Variants in NAV1 observed in about 807,000 individuals in gnomAD.
The protein encoded by NAV1 is pore membrane and/or filament interacting like protein 3.
In NAV1, 18 loss-of-function variants were observed where a neutral mutation model predicts 175.2. The ratio of observed to expected loss-of-function variants is 0.10; its 90% CI spans 0.07 to 0.15. The LOEUF is 0.15. Among genes scored for constraint, NAV1 ranks in the 10% least tolerant of loss-of-function variants. The pLI, the probability that NAV1 is intolerant of heterozygous loss-of-function variation, is 1.00. For missense variants in NAV1, 1,731 were observed against 2,436.6 expected, an observed-to-expected ratio of 0.71 and a Z score of 6.10; for synonymous variants, 897 against 978.7, an observed-to-expected ratio of 0.92 and a Z score of 1.56.
At chr1:201,773,067 CTGTT>C (rs1198397149) in intron 3 of NAV1, among the ~76,000 whole-genome samples, 4 of 151,742 alleles carry the variant, frequency 2.6e-5, no homozygotes, top group African/African-American at 9.7e-5. Flanking sequence ...AGCTTGATGA[CTGTT>C]TGCTCAATTG....
At chr1:201,645,436 G>A (rs537523944), upstream of NAV1, among the ~76,000 whole-genome samples, 26 of 151,056 alleles carry the variant, frequency 1.7e-4, no homozygotes, top group African/African-American at 6.1e-4. Context: ...AGCATTAGGA[G>A]ATATACCTAA....
intron 3 of NAV1, among the ~76,000 whole-genome samples, chr1:201,762,613 A>G (rs557973009): frequency 6.2e-4 from 95 of 152,366 alleles, no homozygotes; most frequent in Non-Finnish European, 9.4e-4. Flanking sequence ...TTGTGCTACA[A>G]TGGCAGAATT....
chr1:201,585,123 G>T (rs1334535157), intron 1 of NAV1, among the ~76,000 whole-genome samples: 1 of 152,160 alleles, frequency 6.6e-6, no homozygotes, highest in Non-Finnish European at 1.5e-5. Context: ...CCAAGCTTTG[G>T]GCAGGTCATT....
At position 201,812,311 on chromosome 1, in the gene NAV1, T is replaced by G; in HGVS notation, c.5025-154T>G. 1.4e-6 allele frequency: 1 copy of G among 739,548 alleles called. No individual in the cohort carries two copies. Among genetic ancestry groups the G allele is most frequent in the Non-Finnish European group, 2.2e-6 (1 of 455,116 alleles). 45.8% of individuals were successfully genotyped at this position (739,548 alleles called of 1,614,324 possible). A position where few individuals can be genotyped will look rare whatever the true frequency, so the allele number is the denominator to read the frequency against. The stretch of plus-strand genomic sequence containing the variant: ...ATCAGCTCTACCACCCCAGGGCTGC[T>G]GCTCTGAGTTCCGATGTCCCCACTA... On this transcript the variant is annotated intron_variant, in intron 26 of 29. Transcript: ENST00000367296. This position sits in a 1 kb window ranked among gnomAD's most constrained non-coding sequence, Gnocchi z 4.6.
At position 201,782,153 on chromosome 1, in the gene NAV1, T is replaced by A. The variant is rs758521393; in HGVS notation, c.1664-23T>A. Reference sequence around the variant, plus strand: ...AGATACTGGTCAGTTTCAGCTCTTTTCTCATTTCCCGTCCTCTTGCAGGCA... The same window carrying A: ...AGATACTGGTCAGTTTCAGCTCTTTACTCATTTCCCGTCCTCTTGCAGGCA... On this transcript the variant is annotated intron_variant, in intron 5 of 29. Coordinates refer to ENST00000367296, the Ensembl canonical transcript of NAV1. This position sits in a 1 kb window ranked among gnomAD's most constrained non-coding sequence, Gnocchi z 5.4. 6.5e-7 allele frequency: 1 copy of A among 1,548,634 alleles called. No individual in the cohort carries two copies. The highest frequency in any genetic ancestry group is 8.7e-7 in the Non-Finnish European group (1 of 1,150,130).
intron 1 of NAV1, among the ~76,000 whole-genome samples, chr1:201,557,491 C>T (rs1571819552): frequency 6.6e-6 from 1 of 152,246 alleles, no homozygotes; most frequent in Non-Finnish European, 1.5e-5. Flanking sequence ...CACTGTGGCC[C>T]CAGAGGTTCC....
intron 2 of NAV1, among the ~76,000 whole-genome samples, chr1:201,611,845 G>A (rs978160261): frequency 6.6e-6 from 1 of 152,178 alleles, no homozygotes; most frequent in Non-Finnish European, 1.5e-5. Flanking sequence ...GGCCAAAGGC[G>A]AGGGACAGCA....
intron 28 of NAV1, among the ~76,000 whole-genome samples, chr1:201,814,596 T>C (rs1044840239): frequency 3.3e-5 from 5 of 152,204 alleles, no homozygotes; most frequent in Non-Finnish European, 7.3e-5. Context: ...GGTGATATAG[T>C]AAATTTCTAA....
intron 1 of NAV1, among the ~76,000 whole-genome samples, chr1:201,563,907 C>G (rs1025794492): frequency 2.0e-5 from 3 of 152,028 alleles, no homozygotes; most frequent in Non-Finnish European, 2.9e-5. Flanking sequence ...TCAGCCTGGG[C>G]AACATAGCAA....
chr1:201,810,822 C>T lies in NAV1; in HGVS notation c.4797+64C>T, dbSNP rs570148815. ...GCCTCAGCCTTCCCTAAGACCCTTC[C>T]TCGGCCCCTTCCTGCCTCATTGTTC... On this transcript the variant is annotated intron_variant, in intron 24 of 29. Transcript: ENST00000367296. This position sits in a 1 kb window ranked among gnomAD's most constrained non-coding sequence, Gnocchi z 6.0. 5 of 1,263,100 alleles carry T rather than the reference C, an allele frequency of 4.0e-6. No individual in the cohort carries two copies. The African/African-American group carries it at 7.3e-5, about 19-fold the overall frequency. The allele number at this position is 1,263,100 out of a possible 1,614,324, so 78.2% of individuals were successfully genotyped here. A position where few individuals can be genotyped will look rare whatever the true frequency, so the allele number is the denominator to read the frequency against.
chr1:201,779,538 C>T, intron 3 of NAV1, among the ~76,000 whole-genome samples: 1 of 130,680 alleles, frequency 7.7e-6, no homozygotes. Context: ...GCGGAGGTTG[C>T]AGGGAGCTGT....
At chr1:201,803,928 A>C in intron 16 of NAV1, 1 of 602,142 alleles carries the variant, frequency 1.7e-6, no homozygotes, top group Non-Finnish European at 3.0e-6. Flanking sequence ...TGACCTTTAT[A>C]TGCATCTGCT....
chr1:201,591,494 G>T (rs189450523), intron 2 of NAV1, among the ~76,000 whole-genome samples: 48 of 152,314 alleles, frequency 3.2e-4, no homozygotes, highest in Non-Finnish European at 6.2e-4. Context: ...TCCTGCCTGG[G>T]CTGCAGGGGC....
intron 2 of NAV1, among the ~76,000 whole-genome samples, chr1:201,641,217 A>C (rs1558030743): frequency 6.6e-6 from 1 of 152,184 alleles, no homozygotes; most frequent in Non-Finnish European, 1.5e-5. Context: ...ACATTTGGCC[A>C]ATAGCAAATT....
chr1:201,655,242 A>G (rs1308967435), intron 1 of NAV1, among the ~76,000 whole-genome samples: 1 of 152,130 alleles, frequency 6.6e-6, no homozygotes, highest in Non-Finnish European at 1.5e-5. Flanking sequence ...TGGCCCAACC[A>G]GGAAGCTCTC....
chr1:201,819,538 C>T (rs1296910111), intron 29 of NAV1, among the ~76,000 whole-genome samples: 1 of 150,750 alleles, frequency 6.6e-6, no homozygotes, highest in Non-Finnish European at 1.5e-5. Flanking sequence ...CTCACTGCTG[C>T]CTCAAACTCC....
chr1:201,615,713 C>T (rs1000280049), intron 2 of NAV1, among the ~76,000 whole-genome samples: 1 of 152,224 alleles, frequency 6.6e-6, no homozygotes, highest in African/African-American at 2.4e-5. Context: ...TCTAAAGCCA[C>T]ATAGCAGGAA....
At chr1:201,591,992 T>C (rs1003367894) in intron 2 of NAV1, among the ~76,000 whole-genome samples, 1 of 152,156 alleles carries the variant, frequency 6.6e-6, no homozygotes, top group Non-Finnish European at 1.5e-5. Flanking sequence ...GGCTTAGCGA[T>C]GTCTTTGATG....
intron 1 of NAV1, among the ~76,000 whole-genome samples, chr1:201,552,907 C>T (rs913681275): frequency 1.8e-4 from 28 of 152,036 alleles, no homozygotes; most frequent in Non-Finnish European, 2.5e-4. Context: ...GTCAGATGGA[C>T]GGGTGGAAGG....
Sources: gnomAD v4.1 joint callset for allele counts (sites outside exome capture counted in the v4.1 genomes callset) on GRCh38, gnomAD v4.1.1 for gene constraint, Gnocchi (gnomAD v3.1) non-coding constraint, MANE v1.5 for transcripts, NCBI Gene and HGNC (gene_info 2026-07-23, HGNC 2026-07-21) for gene names.